Variants in UBE2K observed in about 807,000 individuals in gnomAD.
The protein encoded by UBE2K is ubiquitin-conjugating enzyme E2 K.
UBE2K carries 6 observed loss-of-function variants against 30.0 expected under a neutral mutation model. The ratio of observed to expected loss-of-function variants is 0.20; its 90% CI spans 0.11 to 0.39. The LOEUF is 0.39. Among genes scored for constraint, UBE2K ranks in the 10% least tolerant of loss-of-function variants. The pLI is 1.00. For missense variants in UBE2K, 61 were observed against 241.6 expected, an observed-to-expected ratio of 0.25 and a Z score of 4.96; for synonymous variants, 86 against 83.7, an observed-to-expected ratio of 1.03 and a Z score of -0.15.
chr4:39,744,850 T>A (rs1720899436), intron 2 of UBE2K, among the ~76,000 whole-genome samples: 1 of 148,198 alleles, frequency 6.7e-6, no homozygotes, highest in South Asian at 2.1e-4. Flanking sequence ...GAGCTTGAAG[T>A]GAGCCGAGAT....
At chr4:39,723,379 T>TC (rs1719537681) in intron 1 of UBE2K, among the ~76,000 whole-genome samples, 1 of 146,788 alleles carries the variant, frequency 6.8e-6, no homozygotes, top group Admixed American at 6.8e-5. Context: ...TTTTTTTTTT[T>TC]TTTCCTTCAG....
intron 3 of UBE2K, among the ~76,000 whole-genome samples, chr4:39,746,543 T>G (rs1720999300): frequency 6.6e-6 from 1 of 152,220 alleles, no homozygotes; most frequent in Admixed American, 6.5e-5. Flanking sequence ...TCAGTTTTGA[T>G]CATGCTGCTT....
intron 3 of UBE2K, 54 bp downstream of exon 3, chr4:39,745,864 C>T: frequency 1.5e-6 from 2 of 1,324,642 alleles, no homozygotes; most frequent in East Asian, 2.4e-5. Context: ...ATATTTCTGA[C>T]CTCATTTTAT....
chr4:39,744,126 G>A (rs1432029895), intron 2 of UBE2K, among the ~76,000 whole-genome samples: 1 of 152,198 alleles, frequency 6.6e-6, no homozygotes, highest in Non-Finnish European at 1.5e-5. Flanking sequence ...GCCTCCCAAA[G>A]TGCTGGGATT....
chr4:39,754,246 G>A (rs1190318281), intron 3 of UBE2K, among the ~76,000 whole-genome samples: 1 of 152,162 alleles, frequency 6.6e-6, no homozygotes, highest in Non-Finnish European at 1.5e-5. Context: ...ATGAGAAGGT[G>A]GATGGAGAGA....
chr4:39,723,807 CT>C (rs869132312), intron 1 of UBE2K, among the ~76,000 whole-genome samples: 3 of 151,726 alleles, frequency 2.0e-5, no homozygotes, highest in African/African-American at 7.3e-5. Flanking sequence ...AATTAATTTC[CT>C]TTTTTAAAAA....
At chr4:39,760,174 C>CAAAA (rs1553879299) in intron 4 of UBE2K, among the ~76,000 whole-genome samples, 1 of 5,392 alleles carries the variant, frequency 1.9e-4, no homozygotes. Context: ...GAGACTCTGT[C>CAAAA]ACAAAAAAAA....
intron 4 of UBE2K, 108 bp from the exon 5 acceptor site, chr4:39,774,726 A>T (rs1043997274): frequency 2.1e-6 from 1 of 471,302 alleles, no homozygotes; most frequent in Non-Finnish European, 3.6e-6. Flanking sequence ...TAAGATAAAG[A>T]TCTAAGTAAC....
At chr4:39,714,999 C>T (rs1718966905) in intron 1 of UBE2K, among the ~76,000 whole-genome samples, 1 of 151,180 alleles carries the variant, frequency 6.6e-6, no homozygotes, top group Admixed American at 6.6e-5. Context: ...GCTGGGACTA[C>T]AGGTACAAGC....
chr4:39,745,846 A>T, intron 3 of UBE2K, 36 bp downstream of exon 3: 2 of 1,458,924 alleles, frequency 1.4e-6, no homozygotes, highest in Non-Finnish European at 9.4e-7. Context: ...GAAGTTACAA[A>T]ATATTTTATA....
intron 1 of UBE2K, among the ~76,000 whole-genome samples, chr4:39,734,930 T>G (rs1720276714): frequency 6.6e-6 from 1 of 152,224 alleles, no homozygotes; most frequent in Admixed American, 6.5e-5. Flanking sequence ...AAGCAGCTTT[T>G]CTAATCTCCC....
intron 1 of UBE2K, among the ~76,000 whole-genome samples, chr4:39,715,255 C>T (rs560712765): frequency 9.9e-5 from 15 of 151,994 alleles, no homozygotes; most frequent in African/African-American, 3.6e-4. Flanking sequence ...GTCTCAATCT[C>T]CTGACCTCGT....
rs1720963457 is a variant in UBE2K, at chr4:39,745,912, A to G, written c.216+102A>G. 3.4e-6 allele frequency: 3 copies of G among 884,556 alleles called. 1 individual carries two copies. The South Asian group carries it at 6.0e-5, about 18-fold the overall frequency. 54.8% of individuals were successfully genotyped at this position (884,556 alleles called of 1,614,324 possible). ...TAGGGCTTATTAAAGTCACAGCTTT[A>G]TGAATTGCTTACTGTGTAAACTTGA... On this transcript the variant is annotated intron_variant, in intron 3 of 6. Coordinates refer to ENST00000261427, the MANE Select transcript of UBE2K (RefSeq NM_005339.5).
At chr4:39,771,289 A>C (rs1578506047) in intron 4 of UBE2K, 1 of 1,612,028 alleles carries the variant, frequency 6.2e-7, no homozygotes, top group East Asian at 2.2e-5. Flanking sequence ...GGCGGCTAAG[A>C]TGACCTTGTG....
intron 4 of UBE2K, among the ~76,000 whole-genome samples, chr4:39,773,878 G>T (rs796714394): frequency 6.6e-6 from 1 of 151,944 alleles, no homozygotes; most frequent in Non-Finnish European, 1.5e-5. Context: ...CCGAGATCGC[G>T]CCACTGCACT....
chr4:39,704,869 C>CA (rs1553874082), intron 1 of UBE2K, among the ~76,000 whole-genome samples: 4 of 121,348 alleles, frequency 3.3e-5, no homozygotes, highest in African/African-American at 6.9e-5. Context: ...GACTATACAC[C>CA]TTTTTTTTTT....
At chr4:39,706,218 G>A (rs761027069) in intron 1 of UBE2K, among the ~76,000 whole-genome samples, 81 of 151,788 alleles carry the variant, frequency 5.3e-4, no homozygotes, top group Non-Finnish European at 6.8e-4. Context: ...GGGTTTCACC[G>A]TGTTAGTCAG....
intron 1 of UBE2K, among the ~76,000 whole-genome samples, chr4:39,724,476 G>A (rs1719616204): frequency 6.6e-6 from 1 of 150,582 alleles, no homozygotes; most frequent in Non-Finnish European, 1.5e-5. Context: ...GCCGGGCATG[G>A]TGGCTCATGC....
intron 4 of UBE2K, chr4:39,770,421 T>TTC (rs1310237449): frequency 1.2e-6 from 2 of 1,612,476 alleles, no homozygotes; most frequent in African/African-American, 2.7e-5. Flanking sequence ...GAAGACCAGC[T>TTC]TCTCCACGCC....
Sources: allele counts gnomAD v4.1 joint callset (sites outside exome capture counted in the v4.1 genomes callset), GRCh38; gene constraint gnomAD v4.1.1; transcripts MANE v1.5; gene names NCBI Gene and HGNC (gene_info 2026-07-23, HGNC 2026-07-21).